The following CSMD1 variants were observed in gnomAD, a reference collection of about 807,000 sequenced individuals.
The protein encoded by CSMD1 is CUB and Sushi multiple domains 1, also known as CUB and sushi domain-containing protein 1.
CSMD1 carries 213 observed loss-of-function variants against 417.5 expected under a neutral mutation model. That is an observed-to-expected ratio of 0.51 (90% CI 0.46 to 0.57). CSMD1 has a LOEUF of 0.57. CSMD1 is among the 20% of genes least tolerant of loss of function. CSMD1 has a pLI of 0.00. For synonymous variants in CSMD1, 2,862 were observed against 1,736.8 expected (o/e 1.65, Z -16.11); for missense variants, 6,923 against 4,529.7 (o/e 1.53, Z -15.17).
intron 5 of CSMD1, among the ~76,000 whole-genome samples, chr8:3,870,945 T>C (rs1052610984): frequency 4.6e-5 from 7 of 152,000 alleles, no homozygotes; most frequent in Non-Finnish European, 1.0e-4. Context: ...TATTCATAAA[T>C]GTAAATTTTT....
At chr8:3,984,716 T>TC (rs1167361562) in intron 5 of CSMD1, among the ~76,000 whole-genome samples, 27 of 45,102 alleles carry the variant, frequency 6.0e-4, no homozygotes, top group African/African-American at 1.2e-3. Context: ...TATATATATA[T>TC]ATATATATAT....
chr8:2,935,764 A>G lies in CSMD1; in HGVS notation c.*2821T>C, dbSNP rs1585020520. 6.6e-6 allele frequency: 1 copy of G among 152,172 alleles called. No homozygotes were observed. Among genetic ancestry groups the G allele is most frequent in the Non-Finnish European group, 1.5e-5 (1 of 68,030 alleles). 9.4% of individuals were successfully genotyped at this position (152,172 alleles called of 1,614,324 possible). ...GCGATGACAATGGGTTTTCCTGATCATAATGCCAGCGTTCTTTTTTTTACC... is the reference window on the plus strand; with the variant it reads ...GCGATGACAATGGGTTTTCCTGATCGTAATGCCAGCGTTCTTTTTTTTACC... On this transcript the variant is annotated 3_prime_UTR_variant, in exon 70 of 70. Transcript: ENST00000635120.
intron 5 of CSMD1, among the ~76,000 whole-genome samples, chr8:3,980,981 C>T (rs924692069): frequency 6.6e-6 from 1 of 152,150 alleles, no homozygotes; most frequent in Non-Finnish European, 1.5e-5. Context: ...CACCTTTCCC[C>T]ACCTTTGTAC....
At chr8:3,469,356 T>C (rs1816956521) in intron 11 of CSMD1, among the ~76,000 whole-genome samples, 1 of 152,164 alleles carries the variant, frequency 6.6e-6, no homozygotes, top group African/African-American at 2.4e-5. Context: ...TTATAGGTAA[T>C]TATACATTAA....
At chr8:4,739,108 GCA>G (rs553457549) in intron 1 of CSMD1, among the ~76,000 whole-genome samples, 81 of 152,262 alleles carry the variant, frequency 5.3e-4, no homozygotes, top group African/African-American at 1.7e-3. Context: ...ATACACACGT[GCA>G]CACACACATA....
chr8:3,595,595 G>T (rs935866351), intron 8 of CSMD1, among the ~76,000 whole-genome samples: 7 of 152,142 alleles, frequency 4.6e-5, no homozygotes, highest in African/African-American at 1.7e-4. Context: ...CAAAATATAG[G>T]ATGGTTCCAG....
At chr8:3,514,626 A>T (rs1045286038) in intron 10 of CSMD1, among the ~76,000 whole-genome samples, 9 of 152,206 alleles carry the variant, frequency 5.9e-5, no homozygotes, top group African/African-American at 9.6e-5. Flanking sequence ...TACTTTTTTC[A>T]GTGCTAGTCA....
At chr8:3,703,762 T>C (rs1280213289) in intron 7 of CSMD1, among the ~76,000 whole-genome samples, 1 of 152,092 alleles carries the variant, frequency 6.6e-6, no homozygotes, top group East Asian at 1.9e-4. Flanking sequence ...TGGCCAGCTA[T>C]TACATACCTG....
chr8:4,207,042 A>G (rs1035135278), intron 3 of CSMD1, among the ~76,000 whole-genome samples: 1 of 152,142 alleles, frequency 6.6e-6, no homozygotes, highest in African/African-American at 2.4e-5. Flanking sequence ...GTGTATACCT[A>G]TTTTTCTATT....
chr8:4,180,532 C>G (rs994389002), intron 3 of CSMD1, among the ~76,000 whole-genome samples: 1 of 151,540 alleles, frequency 6.6e-6, no homozygotes, highest in Non-Finnish European at 1.5e-5. Flanking sequence ...ACATATGTAA[C>G]TAACCTGCAC....
At chr8:4,485,532 G>T (rs376733224) in intron 2 of CSMD1, among the ~76,000 whole-genome samples, 1 of 152,176 alleles carries the variant, frequency 6.6e-6, no homozygotes, top group East Asian at 1.9e-4. Context: ...TCCCTTAATG[G>T]AATGGCAATA....
intron 26 of CSMD1, chr8:3,279,231 G>C (rs955933441): frequency 6.6e-6 from 1 of 152,194 alleles, no homozygotes; most frequent in Non-Finnish European, 1.5e-5. Context: ...ATGAGAGCAC[G>C]AGGGAATATA....
intron 3 of CSMD1, among the ~76,000 whole-genome samples, chr8:4,283,802 C>G (rs1490214705): frequency 6.6e-6 from 1 of 151,886 alleles, no homozygotes; most frequent in Non-Finnish European, 1.5e-5. Context: ...AAAAAATCCG[C>G]TTTACCCACC....
intron 11 of CSMD1, among the ~76,000 whole-genome samples, chr8:3,479,163 AC>A (rs1817594966): frequency 6.6e-6 from 1 of 152,088 alleles, no homozygotes; most frequent in Admixed American, 6.5e-5. Flanking sequence ...TATCATTGGA[AC>A]CTCCTCCCCA....
At chr8:4,775,980 G>A (rs80086029) in intron 1 of CSMD1, among the ~76,000 whole-genome samples, 4 of 152,158 alleles carry the variant, frequency 2.6e-5, no homozygotes, top group African/African-American at 4.8e-5. Context: ...GAGACGGAGG[G>A]AACAGCAACC....
chr8:3,001,004 G>A (rs77354399), intron 52 of CSMD1, among the ~76,000 whole-genome samples: 7,284 of 150,284 alleles, frequency 0.048, 182 homozygotes, highest in East Asian at 0.071. Context: ...TTTTTTGGCA[G>A]GGTCTTGCTC....
intron 3 of CSMD1, among the ~76,000 whole-genome samples, chr8:4,165,986 G>A (rs1321215250): frequency 6.6e-6 from 1 of 152,098 alleles, no homozygotes; most frequent in African/African-American, 2.4e-5. Flanking sequence ...TTGAAACAAA[G>A]TTTGCAATTA....
chr8:3,495,390 C>G (rs945173251), intron 10 of CSMD1, among the ~76,000 whole-genome samples: 3 of 151,812 alleles, frequency 2.0e-5, no homozygotes, highest in Non-Finnish European at 4.4e-5. Flanking sequence ...TCATGTTTGG[C>G]TGATTTGCAA....
At chr8:3,050,292 A>C (rs1455182840) in intron 50 of CSMD1, among the ~76,000 whole-genome samples, 1 of 152,168 alleles carries the variant, frequency 6.6e-6, no homozygotes, top group Non-Finnish European at 1.5e-5. Flanking sequence ...GTAGAATTCC[A>C]ACTTCAAATC....
Sources: allele counts gnomAD v4.1 joint callset (sites outside exome capture counted in the v4.1 genomes callset), GRCh38; gene constraint gnomAD v4.1.1; transcripts MANE v1.5; gene names NCBI Gene and HGNC (gene_info 2026-07-23, HGNC 2026-07-21).